DNAH2: variants seen among roughly 807,000 people sequenced by gnomAD.
DNAH2 encodes the protein dynein axonemal heavy chain 2.
DNAH2 carries 323 observed loss-of-function variants against 523.5 expected under a neutral mutation model. The observed-to-expected ratio is 0.62, with a 90% confidence interval of 0.56 to 0.68. The LOEUF is 0.68. Among genes scored for constraint, DNAH2 ranks in the 30% least tolerant of loss-of-function variants. DNAH2 has a pLI of 0.00. For synonymous variants in DNAH2, 2,093 were observed against 2,177.4 expected (o/e 0.96, Z 1.08); for missense variants, 4,907 against 5,701.5 (o/e 0.86, Z 4.49).
chr17:7,743,678 A>C, intron 12 of DNAH2: 1 of 294,072 alleles, frequency 3.4e-6, no homozygotes, highest in Admixed American at 5.2e-5. Context: ...ACAAAAATCA[A>C]AAACCACTCC....
At chr17:7,792,936 T>C in intron 47 of DNAH2, 45 bp from the exon 48 acceptor site, 1 of 1,601,696 alleles carries the variant, frequency 6.2e-7, no homozygotes, top group Non-Finnish European at 8.5e-7. Flanking sequence ...TAAGCCCGTA[T>C]TTCTCTCAGG....
At position 7,796,662 on chromosome 17, in the gene DNAH2, G is replaced by A. The variant is rs763338089; in HGVS notation, c.7863+10G>A. The A allele has an allele frequency of 3.7e-5, 60 of 1,606,910 alleles. No individual in the cohort carries two copies. The highest frequency in any genetic ancestry group is 1.9e-4 in the South Asian group (17 of 90,650). ...TCGAGACATCTCCAAGGTGACTCGC[G>A]GCCTGACCTTGCCCCTTCTGCTTGG... On this transcript the variant is annotated intron_variant, in intron 50 of 85. Coordinates refer to ENST00000572933, the MANE Select transcript of DNAH2 (RefSeq NM_020877.5).
Position 7,778,470 on chromosome 17 carries a change from G to A in DNAH2, c.5541+1G>A. 6.2e-7 allele frequency: 1 copy of A among 1,607,242 alleles called. No homozygotes were observed. Among genetic ancestry groups the A allele is most frequent in the Non-Finnish European group, 8.5e-7 (1 of 1,175,330 alleles). On this transcript the variant is annotated splice_donor_variant, in intron 35 of 85. Transcript: ENST00000572933. LOFTEE classifies it high-confidence loss of function. The stretch of plus-strand genomic sequence containing the variant: ...CCGAATGTACTCAGGTCTGGCCCAG[G>A]TCAGTATCCTGCCACCCTGTGCCAG...
chr17:7,817,997 C>T lies in DNAH2; in HGVS notation c.10288C>T (p.His3430Tyr), dbSNP rs61749477. The T allele has an allele frequency of 6.2e-7, 1 of 1,614,002 alleles. No homozygotes were observed. The highest frequency in any genetic ancestry group is 1.3e-5 in the African/African-American group (1 of 74,890). The change falls in exon 68 of 86, where the codon CAC (histidine) becomes TAC (tyrosine). Residue 3430 changes from histidine to tyrosine, a missense_variant. By Grantham distance (83) the His-to-Tyr change is moderately conservative. This residue lies in a region of DNAH2 where 1,851 missense variants were observed against 2,139.4 expected (regional missense o/e 0.87). Transcript: ENST00000572933. Reference protein sequence around the residue: ...QMSDYLRILEHAIHFGYPVLL... With the variant: ...QMSDYLRILEYAIHFGYPVLL... ...GAGCGATTACCTGCGAATCCTAGAA[C>T]ACGCCATTCACTTTGGATACCCGGT...
chr17:7,793,493 TTC>T (rs1486834740), intron 48 of DNAH2, among the ~76,000 whole-genome samples: 3 of 137,042 alleles, frequency 2.2e-5, no homozygotes, highest in Non-Finnish European at 5.0e-5. Context: ...CTTTCTTTCT[TTC>T]TTTCTTTCTT....
At chr17:7,731,401 G>A (rs1467179582) in intron 4 of DNAH2, among the ~76,000 whole-genome samples, 1 of 151,940 alleles carries the variant, frequency 6.6e-6, no homozygotes, top group Non-Finnish European at 1.5e-5. Flanking sequence ...TCTTCTGGAT[G>A]AAGAAACATT....
intron 21 of DNAH2, 139 bp from the exon 22 acceptor site, chr17:7,766,179 G>C: frequency 3.6e-6 from 3 of 837,938 alleles, no homozygotes; most frequent in Non-Finnish European, 5.5e-6. Flanking sequence ...TTCTTTCAAC[G>C]CGTTCCCTCT....
rs1241415216 is a variant in DNAH2 at position 7,759,843 on chromosome 17, G to A, written c.2690G>A (p.Gly897Asp). 6.2e-7 allele frequency: 1 copy of A among 1,614,188 alleles called. No homozygotes were observed. The highest frequency in any genetic ancestry group is 8.5e-7 in the Non-Finnish European group (1 of 1,180,042). Residue 897 changes from glycine to aspartate, a missense_variant, in exon 17 of 86, where the codon GGC becomes GAC. Transcript: ENST00000572933. Reference protein sequence around the residue: ...QTLAGVVNDIGNHLFSTISVF... With the variant: ...QTLAGVVNDIDNHLFSTISVF... The stretch of plus-strand genomic sequence containing the variant: ...TTGGCAGGTGTGGTCAATGACATTG[G>A]CAACCACCTCTTTTCCACCATCTCT...
chr17:7,764,468 T>C (rs2076097481), intron 20 of DNAH2, among the ~76,000 whole-genome samples, 195 bp downstream of exon 20: 1 of 150,904 alleles, frequency 6.6e-6, no homozygotes, highest in Non-Finnish European at 1.5e-5. Context: ...TCTTCCTCTT[T>C]TTTTTTTTTT....
Position 7,824,106 on chromosome 17 carries a change from C to T in DNAH2, c.11479-15C>T. 1 of 1,561,732 alleles carries T rather than the reference C, an allele frequency of 6.4e-7. No individual in the cohort carries two copies. Among genetic ancestry groups the T allele is most frequent in the Non-Finnish European group, 8.7e-7 (1 of 1,155,746 alleles). ...TGTGGCCTTCTGCCTGATGCTATAC[C>T]TGTGCTTCTGGCAGGTGCTGGAGGA... On this transcript the variant is annotated splice_polypyrimidine_tract_variant and intron_variant, in intron 75 of 85. Coordinates refer to ENST00000572933, the MANE Select transcript of DNAH2 (RefSeq NM_020877.5).
chr17:7,830,805 T>C lies in DNAH2; in HGVS notation c.12193T>C (p.Tyr4065His). 6.2e-7 allele frequency: 1 copy of C among 1,614,020 alleles called. No homozygotes were observed. Among genetic ancestry groups the C allele is most frequent in the East Asian group, 2.2e-5 (1 of 44,886 alleles). Residue 4065 changes from tyrosine (Y) to histidine (H), a missense_variant, in exon 79 of 86, where the codon TAT becomes CAT. Tyr to His is a moderately conservative substitution (Grantham distance 83, BLOSUM62 2). Transcript: ENST00000572933. ...RRLLTTYIND[Y>H]FCDQSLSTPF... ...CCTGCTGACCACCTACATCAATGAT[T>C]ATTTCTGTGACCAGTCTCTATCAAC...
intron 8 of DNAH2, among the ~76,000 whole-genome samples, chr17:7,738,543 G>A (rs146937928): frequency 0.015 from 2,328 of 152,026 alleles, 33 homozygotes; most frequent in African/African-American, 0.038. Flanking sequence ...GTTAGCCAGG[G>A]TGGTCTCGAT....
chr17:7,819,476 C>A, intron 72 of DNAH2, 68 bp downstream of exon 72: 1 of 1,570,346 alleles, frequency 6.4e-7, no homozygotes, highest in Non-Finnish European at 8.8e-7. Flanking sequence ...GGCCACTGCA[C>A]CTTCGTGCTT....
At position 7,818,224 on chromosome 17, in the gene DNAH2, G is replaced by C. The variant is rs1105813; in HGVS notation, c.10388-88G>C. On this transcript the variant is annotated intron_variant, in intron 68 of 85. Coordinates refer to ENST00000572933, the MANE Select transcript of DNAH2 (RefSeq NM_020877.5). ...CTGGCCTGGGGCCTTAGGACAGGCT[G>C]AGTCGCTGCCCCTGGATGCCGGTGG... The C allele has an allele frequency of 2.0e-5, 32 of 1,595,888 alleles. 1 individual carries two copies. In the African/African-American group the frequency reaches 3.9e-4, roughly 19 times the overall value.
intron 11 of DNAH2, among the ~76,000 whole-genome samples, chr17:7,741,294 C>CTT (rs749461299): frequency 2.0e-5 from 1 of 51,202 alleles, no homozygotes; most frequent in African/African-American, 1.1e-4. Context: ...TTCTTTCTTT[C>CTT]TTCCTTCCTT....
intron 14 of DNAH2, 48 bp from the exon 15 acceptor site, chr17:7,758,837 T>C: frequency 1.2e-6 from 2 of 1,606,780 alleles, no homozygotes; most frequent in Admixed American, 1.7e-5. Flanking sequence ...GAGGTCCAGA[T>C]GGTCTCTTCC....
At chr17:7,771,064 G>C (rs544803077) in intron 27 of DNAH2, 131 bp downstream of exon 27, 17 of 1,091,912 alleles carry the variant, frequency 1.6e-5, no homozygotes, top group African/African-American at 1.3e-4. Context: ...GGACCCAGCT[G>C]TCTGATTCTT....
chr17:7,797,975 G>GT, intron 53 of DNAH2, 146 bp downstream of exon 53: 2 of 1,389,802 alleles, frequency 1.4e-6, no homozygotes, highest in Non-Finnish European at 1.9e-6. Context: ...GGCAGTGTGT[G>GT]TTTAACAGAG....
At position 7,833,446 on chromosome 17, in the gene DNAH2, C is replaced by T. The variant is rs768713714; in HGVS notation, c.13197C>T (p.Val4399=). ...RAGSSDRASF[V]IGIDLRSGAM... is the part of the protein sequence containing the mutation. Reference sequence around the variant, plus strand: ...GCAGCTCAGACCGAGCCTCCTTTGTCATCGGCATTGACCTGCGGTCTGGGG... The same window carrying T: ...GCAGCTCAGACCGAGCCTCCTTTGTTATCGGCATTGACCTGCGGTCTGGGG... Residue 4399 remains valine (V), a synonymous_variant, in exon 86 of 86, where the codon GTC becomes GTT. Coordinates refer to ENST00000572933, the MANE Select transcript of DNAH2 (RefSeq NM_020877.5). 13 of 1,614,058 alleles carry T rather than the reference C, an allele frequency of 8.1e-6. No homozygotes were observed. In the South Asian group the frequency reaches 1.1e-4, roughly 14 times the overall value.
Sources: gnomAD v4.1 joint callset for allele counts (sites outside exome capture counted in the v4.1 genomes callset) on GRCh38, gnomAD v4.1.1 for gene constraint, gnomAD v4.1.1 regional missense constraint, MANE v1.5 for transcripts, NCBI Gene and HGNC (gene_info 2026-07-23, HGNC 2026-07-21) for gene names.